AFF2: variants seen among roughly 807,000 people sequenced by gnomAD.
AFF2 encodes AF4/FMR2 family member 2.
A neutral mutation model predicts 76.9 loss-of-function variants in AFF2; 14 were observed. The observed-to-expected ratio is 0.18, with a 90% confidence interval of 0.12 to 0.28. The LOEUF (loss-of-function observed/expected upper bound fraction) is 0.28, where lower values mean the gene tolerates loss of function less well. AFF2 is among the 10% of genes least tolerant of loss of function. The pLI, the probability that AFF2 is intolerant of heterozygous loss-of-function variation, is 1.00. For synonymous variants in AFF2, 398 were observed against 366.7 expected (o/e 1.09, Z -0.98); for missense variants, 868 against 1,001.1 (o/e 0.87, Z 1.79).
chrX:148,817,642 C>G (rs1267363891), intron 4 of AFF2, among the ~76,000 whole-genome samples: 1 of 111,782 alleles, frequency 8.9e-6, no homozygotes, highest in East Asian at 2.8e-4. Context: ...TATTTTGATA[C>G]TAAAATCTGA....
chrX:148,715,441 GA>G (rs1557263277), intron 3 of AFF2, among the ~76,000 whole-genome samples: 1 of 106,252 alleles, frequency 9.4e-6, no homozygotes, highest in African/African-American at 3.8e-5. Context: ...GGCACACACA[GA>G]CATACACACA....
chrX:148,872,409 C>T (rs1045403914), intron 7 of AFF2, among the ~76,000 whole-genome samples: 7 of 111,771 alleles, frequency 6.3e-5, no homozygotes, highest in Admixed American at 2.8e-4. Flanking sequence ...TTGCACTTGG[C>T]ATAATATTTT....
At chrX:148,517,727 A>T (rs892790238) in intron 1 of AFF2, among the ~76,000 whole-genome samples, 1 of 111,843 alleles carries the variant, frequency 8.9e-6, no homozygotes, top group African/African-American at 3.2e-5. Context: ...ATTAGAAAAT[A>T]ATTTTGATGG....
At chrX:148,574,983 T>A (rs868907739) in intron 1 of AFF2, among the ~76,000 whole-genome samples, 17 of 94,766 alleles carry the variant, frequency 1.8e-4, no homozygotes, top group South Asian at 4.6e-4. Context: ...TGTGTGTGTG[T>A]GTGAGAGAGA....
intron 3 of AFF2, among the ~76,000 whole-genome samples, chrX:148,676,713 G>A (rs2054490343): frequency 8.9e-6 from 1 of 111,840 alleles, no homozygotes. Flanking sequence ...TTTTCTTGGT[G>A]AAGAAGTGGA....
At chrX:148,974,502 A>G (rs1288583975) in intron 16 of AFF2, among the ~76,000 whole-genome samples, 1 of 112,071 alleles carries the variant, frequency 8.9e-6, no homozygotes, top group African/African-American at 3.2e-5. Flanking sequence ...TATACTATCT[A>G]TCTTGCTTGT....
chrX:148,537,803 T>C (rs1305961433), intron 1 of AFF2, among the ~76,000 whole-genome samples: 1 of 111,218 alleles, frequency 9.0e-6, no homozygotes, highest in African/African-American at 3.3e-5. Flanking sequence ...CCTCCTGAAA[T>C]GAAGCGCTGA....
At chrX:148,673,446 C>A (rs782108220) in intron 3 of AFF2, among the ~76,000 whole-genome samples, 1 of 111,796 alleles carries the variant, frequency 8.9e-6, no homozygotes, top group East Asian at 2.8e-4. Context: ...TCTCTGCCTG[C>A]ATCTTCACAT....
intron 3 of AFF2, among the ~76,000 whole-genome samples, chrX:148,773,737 A>G (rs782474503): frequency 1.9e-5 from 2 of 107,727 alleles, no homozygotes; most frequent in African/African-American, 6.8e-5. Flanking sequence ...AAAGAAAGAA[A>G]GAAAGAAAGA....
intron 3 of AFF2, among the ~76,000 whole-genome samples, chrX:148,708,847 C>A (rs782119909): frequency 9.8e-5 from 11 of 112,419 alleles, no homozygotes; most frequent in Admixed American, 2.8e-4. Context: ...TAGTCTGTAT[C>A]ACTAATGAAA....
At chrX:148,681,753 C>T (rs2054553688) in intron 3 of AFF2, among the ~76,000 whole-genome samples, 1 of 110,457 alleles carries the variant, frequency 9.1e-6, no homozygotes. Context: ...GAAAGAGGAA[C>T]GGAATGTTAA....
intron 1 of AFF2, among the ~76,000 whole-genome samples, chrX:148,541,742 A>G (rs1479398763): frequency 1.8e-5 from 2 of 110,806 alleles, no homozygotes; most frequent in African/African-American, 6.6e-5. Context: ...TTAATTTTAA[A>G]CAAACCACAT....
chrX:148,661,943 G>A lies in AFF2; in HGVS notation c.216G>A (p.Gln72=). The change falls in exon 3 of 21, where the codon CAG becomes CAA. Residue 72 remains glutamine (Q), a synonymous_variant. Transcript: ENST00000370460. ...GTGATGCACTTGCCAACCGAGTCCA[G>A]AACACGCTTGGAAACTATGATGAAA... ...NKGDALANRV[Q]NTLGNYDEMK... is the part of the protein sequence containing the mutation. 8.3e-7 allele frequency: 1 copy of A among 1,206,928 alleles called. No homozygotes were observed. The highest frequency in any genetic ancestry group is 1.1e-6 in the Non-Finnish European group (1 of 892,179).
intron 9 of AFF2, among the ~76,000 whole-genome samples, chrX:148,950,572 T>C (rs1199650786): frequency 8.9e-6 from 1 of 112,040 alleles, no homozygotes; most frequent in Non-Finnish European, 1.9e-5. Context: ...TATGTGTAAG[T>C]ATAAAAAGCT....
chrX:148,893,950 G>T (rs782464038), intron 8 of AFF2, among the ~76,000 whole-genome samples: 1 of 111,332 alleles, frequency 9.0e-6, no homozygotes, highest in African/African-American at 3.3e-5. Flanking sequence ...CCCACCCTCT[G>T]TTTGGTCCAA....
chrX:148,913,356 A>G (rs1271216176), intron 9 of AFF2, among the ~76,000 whole-genome samples: 1 of 112,497 alleles, frequency 8.9e-6, no homozygotes, highest in African/African-American at 3.2e-5. Context: ...TTCTTAGAAC[A>G]TGACACCAAA....
At chrX:148,646,313 T>A (rs782461291) in intron 1 of AFF2, among the ~76,000 whole-genome samples, 15 of 111,809 alleles carry the variant, frequency 1.3e-4, no homozygotes, top group Non-Finnish European at 2.4e-4. Context: ...TATATCTCAA[T>A]CAAGCTGTTA....
intron 3 of AFF2, among the ~76,000 whole-genome samples, chrX:148,726,102 G>C (rs782086016): frequency 1.8e-5 from 2 of 111,464 alleles, no homozygotes; most frequent in South Asian, 7.6e-4. Context: ...ATTACAGCAA[G>C]ATCAATAAAG....
intron 4 of AFF2, among the ~76,000 whole-genome samples, chrX:148,828,374 C>T (rs990392773): frequency 1.3e-4 from 14 of 111,723 alleles, no homozygotes; most frequent in African/African-American, 4.6e-4. Context: ...TTCTCAGTGG[C>T]CAGTTCTTAC....
Sources: allele counts gnomAD v4.1 joint callset (sites outside exome capture counted in the v4.1 genomes callset), GRCh38; gene constraint gnomAD v4.1.1; transcripts MANE v1.5; gene names NCBI Gene and HGNC (gene_info 2026-07-23, HGNC 2026-07-21).